The following ATXN7L1 variants were observed in gnomAD, a reference collection of about 807,000 sequenced individuals.
ATXN7L1 encodes ataxin 7 like 1, also known as ataxin-7-like protein 1.
Under a neutral mutation model 70.8 loss-of-function variants are expected in ATXN7L1, and 15 were observed. The observed-to-expected ratio is 0.21, with a 90% CI of 0.14 to 0.33. The LOEUF (loss-of-function observed/expected upper bound fraction) is 0.33. ATXN7L1 is among the 10% of genes least tolerant of loss of function. ATXN7L1 has a pLI of 1.00. For synonymous variants in ATXN7L1, 440 were observed against 445.1 expected, an observed-to-expected ratio of 0.99 and a Z score of 0.14; for missense variants, 975 against 1,097.1, an observed-to-expected ratio of 0.89 and a Z score of 1.57.
intron 2 of ATXN7L1, among the ~76,000 whole-genome samples, chr7:105,796,781 G>A (rs1451110825): frequency 1.3e-5 from 2 of 152,182 alleles, no homozygotes; most frequent in Non-Finnish European, 1.5e-5. Flanking sequence ...TGCATGGAAA[G>A]CTTAAGGCAA....
At chr7:105,865,453 G>T (rs1817265835) in intron 2 of ATXN7L1, among the ~76,000 whole-genome samples, 1 of 151,632 alleles carries the variant, frequency 6.6e-6, no homozygotes, top group African/African-American at 2.4e-5. Flanking sequence ...CCAGGCTGGG[G>T]TGCAGTGGCG....
chr7:105,863,182 T>G (rs1816895155), intron 2 of ATXN7L1, among the ~76,000 whole-genome samples: 1 of 152,186 alleles, frequency 6.6e-6, no homozygotes, highest in Non-Finnish European at 1.5e-5. Context: ...TAGACGCCCC[T>G]GGAGTTGCTT....
chr7:105,642,741 G>T, intron 5 of ATXN7L1, 97 bp downstream of exon 5: 1 of 1,374,096 alleles, frequency 7.3e-7, no homozygotes, highest in Non-Finnish European at 9.8e-7. Flanking sequence ...AAATGAAACA[G>T]ACCTGCTTAA....
chr7:105,714,670 T>C (rs1451374463), intron 3 of ATXN7L1, among the ~76,000 whole-genome samples: 3 of 151,982 alleles, frequency 2.0e-5, no homozygotes, highest in African/African-American at 4.8e-5. Context: ...TTTTTGTTTT[T>C]GTTTTTGTTT....
At chr7:105,691,658 T>TAAAAAA (rs34303034) in intron 3 of ATXN7L1, 1 of 110,940 alleles carries the variant, frequency 9.0e-6, no homozygotes, top group Admixed American at 9.3e-5. Context: ...CGGATGTCAG[T>TAAAAAA]AAAAAAAAAA....
chr7:105,621,464 TCTC>T (rs1794921838), intron 8 of ATXN7L1, among the ~76,000 whole-genome samples: 2 of 152,164 alleles, frequency 1.3e-5, no homozygotes, highest in South Asian at 4.1e-4. Context: ...TCCTCTTCCT[TCTC>T]CTTAGTATGA....
At chr7:105,742,647 A>G (rs1026384817) in intron 3 of ATXN7L1, among the ~76,000 whole-genome samples, 4 of 152,220 alleles carry the variant, frequency 2.6e-5, no homozygotes, top group Non-Finnish European at 5.9e-5. Flanking sequence ...AAAAATGGCT[A>G]CCACATGCTG....
chr7:105,647,476 C>T (rs1295376714), intron 4 of ATXN7L1, among the ~76,000 whole-genome samples: 2 of 152,142 alleles, frequency 1.3e-5, no homozygotes, highest in Non-Finnish European at 2.9e-5. Flanking sequence ...GGTGATACCC[C>T]GTCTCTACTA....
At chr7:105,817,768 AAATAAAAAATTAGCTGATGCAGTGG>A in intron 2 of ATXN7L1, among the ~76,000 whole-genome samples, 1 of 152,254 alleles carries the variant, frequency 6.6e-6, no homozygotes, top group East Asian at 1.9e-4. Flanking sequence ...ATAAGAAATA[AAATAAAAAATTAGCTGATGCAGTGG>A]TACACACTTG....
intron 2 of ATXN7L1, among the ~76,000 whole-genome samples, chr7:105,806,773 G>A (rs1363654786): frequency 6.6e-6 from 1 of 152,094 alleles, no homozygotes; most frequent in Non-Finnish European, 1.5e-5. Context: ...TGCCCAGGAG[G>A]ACCCAGCAAC....
chr7:105,669,134 G>C (rs767765412), intron 3 of ATXN7L1, among the ~76,000 whole-genome samples: 44 of 152,144 alleles, frequency 2.9e-4, no homozygotes, highest in Non-Finnish European at 5.7e-4. Flanking sequence ...CCAGGCTAGA[G>C]TCCAGCGGCG....
At chr7:105,861,203 C>T (rs1038716711) in intron 2 of ATXN7L1, among the ~76,000 whole-genome samples, 3 of 152,028 alleles carry the variant, frequency 2.0e-5, no homozygotes, top group Admixed American at 1.3e-4. Context: ...GCCACCTGTC[C>T]GGATAGGAAG....
At chr7:105,755,325 G>A (rs1053554054) in intron 3 of ATXN7L1, among the ~76,000 whole-genome samples, 1 of 152,198 alleles carries the variant, frequency 6.6e-6, no homozygotes, top group Non-Finnish European at 1.5e-5. Flanking sequence ...AGGGGCAACA[G>A]GTATAGAGGA....
chr7:105,855,397 T>A (rs1259422400), intron 2 of ATXN7L1, among the ~76,000 whole-genome samples: 1 of 152,248 alleles, frequency 6.6e-6, no homozygotes, highest in African/African-American at 2.4e-5. Flanking sequence ...CGTTGCTTAA[T>A]CCTGCTCTCA....
chr7:105,612,263 C>T (rs541762981), intron 10 of ATXN7L1, among the ~76,000 whole-genome samples: 85 of 152,266 alleles, frequency 5.6e-4, no homozygotes, highest in Non-Finnish European at 1.1e-3. Flanking sequence ...CTTGGTTCAC[C>T]CATCTGTAAA....
At chr7:105,674,344 T>C (rs1804271598) in intron 3 of ATXN7L1, among the ~76,000 whole-genome samples, 1 of 152,240 alleles carries the variant, frequency 6.6e-6, no homozygotes, top group Non-Finnish European at 1.5e-5. Flanking sequence ...GCAGGCTTTC[T>C]TGAGTACCTA....
chr7:105,803,826 T>C (rs1807174646), intron 2 of ATXN7L1, among the ~76,000 whole-genome samples: 1 of 152,218 alleles, frequency 6.6e-6, no homozygotes, highest in Non-Finnish European at 1.5e-5. Flanking sequence ...CACCCAGTTA[T>C]GAACTGGAAC....
chr7:105,821,770 C>A (rs1030986708), intron 2 of ATXN7L1, among the ~76,000 whole-genome samples: 1 of 152,246 alleles, frequency 6.6e-6, no homozygotes, highest in Admixed American at 6.5e-5. Context: ...ACACGTGGCA[C>A]ACCTTGCACA....
Position 105,629,237 on chromosome 7 carries a change from T to A in ATXN7L1, c.1203-4970A>T, listed in dbSNP as rs73408824. 6.8e-3 allele frequency among the ~76,000 whole-genome samples: 1,040 copies of A among 152,258 alleles called. 12 individuals carry two copies. The highest frequency in any genetic ancestry group is 0.024 in the African/African-American group (984 of 41,560). ...ATTAGATCCCTTGAATGTATTCATC[T>A]TGTAACTGAAAGTTGTCTAGTATCT... On this transcript the variant is annotated intron_variant, in intron 7 of 11. Coordinates refer to ENST00000419735, the MANE Select transcript of ATXN7L1 (RefSeq NM_020725.2).
Sources: gnomAD v4.1 joint callset for allele counts (sites outside exome capture counted in the v4.1 genomes callset) on GRCh38, gnomAD v4.1.1 for gene constraint, MANE v1.5 for transcripts, NCBI Gene and HGNC (gene_info 2026-07-23, HGNC 2026-07-21) for gene names.